Variants in SRPK2 observed in about 807,000 individuals in gnomAD.
SRPK2 encodes the protein SRSF protein kinase 2.
SRPK2 carries 21 observed loss-of-function variants against 90.8 expected under a neutral mutation model. The observed-to-expected ratio is 0.23, with a 90% CI of 0.16 to 0.33. SRPK2 has a LOEUF of 0.33. SRPK2 is among the 10% of genes least tolerant of loss of function. SRPK2 has a pLI of 1.00. For synonymous variants in SRPK2, 288 were observed against 311.1 expected, an observed-to-expected ratio of 0.93 and a Z score of 0.78; for missense variants, 620 against 869.0, an observed-to-expected ratio of 0.71 and a Z score of 3.60.
At chr7:105,380,048 G>T (rs1426595963) in intron 2 of SRPK2, among the ~76,000 whole-genome samples, 2 of 152,168 alleles carry the variant, frequency 1.3e-5, no homozygotes, top group African/African-American at 2.4e-5. Flanking sequence ...AGGCTTAGGT[G>T]GGGTATCACC....
intron 2 of SRPK2, among the ~76,000 whole-genome samples, chr7:105,315,375 C>T (rs886116377): frequency 5.9e-5 from 9 of 152,128 alleles, no homozygotes; most frequent in African/African-American, 2.2e-4. Context: ...TTCATTTAAG[C>T]TCTCTGGACC....
upstream of SRPK2, among the ~76,000 whole-genome samples, chr7:105,391,584 A>T (rs1045417435): frequency 2.0e-5 from 3 of 152,120 alleles, no homozygotes; most frequent in African/African-American, 7.2e-5. Flanking sequence ...CTGAGGCTGG[A>T]GGATCATCTG....
At chr7:105,166,679 T>C (rs774609281) in intron 6 of SRPK2, among the ~76,000 whole-genome samples, 8 of 152,248 alleles carry the variant, frequency 5.3e-5, no homozygotes, top group Non-Finnish European at 1.0e-4. Context: ...CACTGGCTTA[T>C]GTCAGATTTA....
intron 11 of SRPK2, among the ~76,000 whole-genome samples, chr7:105,137,980 G>A (rs981908789): frequency 2.0e-5 from 3 of 152,174 alleles, no homozygotes; most frequent in African/African-American, 4.8e-5. Flanking sequence ...AGCTGCGGGC[G>A]AAAACTGAGT....
At chr7:105,202,574 T>C (rs140379685) in intron 3 of SRPK2, among the ~76,000 whole-genome samples, 1 of 152,320 alleles carries the variant, frequency 6.6e-6, no homozygotes, top group East Asian at 1.9e-4. Context: ...CTAGATCATA[T>C]TGTTCTTAAT....
At chr7:105,231,075 C>T (rs1045964487) in intron 2 of SRPK2, among the ~76,000 whole-genome samples, 7 of 152,138 alleles carry the variant, frequency 4.6e-5, no homozygotes, top group Admixed American at 1.3e-4. Flanking sequence ...GCCCCTCTCC[C>T]TATTTTCACC....
chr7:105,149,447 T>A (rs1318394096), intron 7 of SRPK2, among the ~76,000 whole-genome samples: 1 of 152,098 alleles, frequency 6.6e-6, no homozygotes, highest in Non-Finnish European at 1.5e-5. Flanking sequence ...GCCCTCCTAC[T>A]ACATTCCTTT....
chr7:105,319,859 C>T (rs1340615656), intron 2 of SRPK2, among the ~76,000 whole-genome samples: 1 of 146,768 alleles, frequency 6.8e-6, no homozygotes, highest in African/African-American at 2.5e-5. Flanking sequence ...CACTTCCCCC[C>T]CTTTTTTTTT....
chr7:105,376,256 C>G (rs1034828200), intron 2 of SRPK2, among the ~76,000 whole-genome samples: 1 of 151,862 alleles, frequency 6.6e-6, no homozygotes, highest in South Asian at 2.1e-4. Flanking sequence ...CTTGGCCTCC[C>G]AAAGTGCTGG....
At chr7:105,169,114 A>C (rs777555554) in intron 4 of SRPK2, 43 bp downstream of exon 4, 89 of 1,540,080 alleles carry the variant, frequency 5.8e-5, no homozygotes, top group Non-Finnish European at 7.2e-5. Context: ...CAGATGTTGA[A>C]CTACTCCAGG....
chr7:105,272,548 C>T lies in SRPK2; in HGVS notation c.72-68763G>A, dbSNP rs117466001. Among the ~76,000 whole-genome samples, 378 of 152,122 alleles carry T rather than the reference C, an allele frequency of 2.5e-3. 1 individual carries two copies. Among genetic ancestry groups the T allele is most frequent in the Non-Finnish European group, 4.3e-3 (292 of 68,012 alleles). On this transcript the variant is annotated intron_variant, in intron 2 of 15. Coordinates refer to ENST00000393651, the MANE Select transcript of SRPK2 (RefSeq NM_182692.3). ...TTTTACATTTGCTTTCTCCTTCTAA[C>T]TCTGGGTACTTTGCAAGACCGTTAT...
At chr7:105,246,800 G>GT (rs1424601804) in intron 2 of SRPK2, among the ~76,000 whole-genome samples, 2 of 152,144 alleles carry the variant, frequency 1.3e-5, no homozygotes, top group African/African-American at 4.8e-5. Context: ...AACAATTTCA[G>GT]TAAGTTGCCA....
intron 2 of SRPK2, among the ~76,000 whole-genome samples, chr7:105,282,895 T>TAA (rs34535552): frequency 1.3e-3 from 197 of 148,824 alleles, no homozygotes; most frequent in Non-Finnish European, 1.8e-3. Context: ...ACGTAACTGA[T>TAA]AAAAAAAAAA....
intron 8 of SRPK2, among the ~76,000 whole-genome samples, chr7:105,145,567 C>T (rs1454761498): frequency 6.6e-6 from 1 of 152,084 alleles, no homozygotes; most frequent in Non-Finnish European, 1.5e-5. Context: ...AATACTAATA[C>T]ATCTCAAACA....
At chr7:105,215,806 G>T (rs919886949) in intron 2 of SRPK2, among the ~76,000 whole-genome samples, 10 of 152,204 alleles carry the variant, frequency 6.6e-5, no homozygotes, top group African/African-American at 2.4e-4. Context: ...ACAGAAGGTA[G>T]ATCAGTAACA....
rs552132771 is a variant in SRPK2 at position 105,310,260 on chromosome 7, T to C, written c.71+78388A>G. ...AACAGGGAGAGACTGAAGACAAACA[T>C]AGGTAGCAGATAAAACCATAATAAT... On this transcript the variant is annotated intron_variant, in intron 2 of 15. Transcript: ENST00000393651. Among the ~76,000 whole-genome samples, 7 of 152,120 alleles carry C rather than the reference T, an allele frequency of 4.6e-5. No individual in the cohort carries two copies. In the East Asian group the frequency reaches 1.3e-3, roughly 29 times the overall value.
At chr7:105,388,964 ACCCGCCCCCGTCCGGCCCCGCCCCCGC>A (rs1822007959), upstream of SRPK2, 4 of 1,122,938 alleles carry the variant, frequency 3.6e-6, no homozygotes, top group Non-Finnish European at 3.3e-6. Context: ...ACCCAGCAAG[ACCCGCCCCCGTCCGGCCCCGCCCCCGC>A]CCCGCCCCCA....
At chr7:105,345,299 G>C (rs1205402770) in intron 2 of SRPK2, among the ~76,000 whole-genome samples, 2 of 152,198 alleles carry the variant, frequency 1.3e-5, no homozygotes, top group East Asian at 1.9e-4. Flanking sequence ...ATGACACAAA[G>C]AACAGTAACA....
chr7:105,149,762 G>C (rs1397660425), intron 7 of SRPK2, among the ~76,000 whole-genome samples: 1 of 152,194 alleles, frequency 6.6e-6, no homozygotes, highest in Non-Finnish European at 1.5e-5. Context: ...AGAAGTTAAA[G>C]TAGCATTATG....
Sources: gnomAD v4.1 joint callset for allele counts (sites outside exome capture counted in the v4.1 genomes callset) on GRCh38, gnomAD v4.1.1 for gene constraint, MANE v1.5 for transcripts, NCBI Gene and HGNC (gene_info 2026-07-23, HGNC 2026-07-21) for gene names.